MYO18A: variants seen among roughly 807,000 people sequenced by gnomAD.
The protein encoded by MYO18A is myosin XVIIIA, also known as unconventional myosin-XVIIIa.
Under a neutral mutation model 235.8 loss-of-function variants are expected in MYO18A, and 78 were observed. The observed-to-expected ratio is 0.33, with a 90% CI of 0.28 to 0.40. The LOEUF is 0.40. MYO18A is among the 10% of genes least tolerant of loss of function. The pLI, the probability that MYO18A is intolerant of heterozygous loss-of-function variation, is 1.00. For synonymous variants in MYO18A, 977 were observed against 1,077.8 expected, an observed-to-expected ratio of 0.91 and a Z score of 1.83; for missense variants, 2,215 against 2,699.3, an observed-to-expected ratio of 0.82 and a Z score of 3.98.
rs754433031 is a variant in MYO18A at position 29,099,685 on chromosome 17, G to A, written c.3585C>T (p.Phe1195=). 1.2e-6 allele frequency: 2 copies of A among 1,613,804 alleles called. No individual in the cohort carries two copies. Residue 1195 remains phenylalanine (F), a synonymous_variant, in exon 22 of 42, where the codon TTC becomes TTT. Coordinates refer to ENST00000527372, the MANE Select transcript of MYO18A (RefSeq NM_078471.4). ...CCAGGTAGCCCCTGCAGGCTGCTTG[G>A]AACAGGGTTAGGTTCCTGCTGGTTT... ...DEQTSRNLTL[F]QAACRGYLAR...
chr17:29,080,891 C>T (rs2066104646), intron 41 of MYO18A: 6 of 985,480 alleles, frequency 6.1e-6, no homozygotes, highest in Non-Finnish European at 6.0e-6. Flanking sequence ...AGCGAATCCG[C>T]GTCCCCGGTG....
At chr17:29,154,121 T>C (rs569031294) in intron 2 of MYO18A, among the ~76,000 whole-genome samples, 1,873 of 149,102 alleles carry the variant, frequency 0.013, 19 homozygotes, top group African/African-American at 0.026. Context: ...TGTGTGTGTG[T>C]GCGCGCGCGT....
rs1468779671 is a variant in MYO18A, at chr17:29,111,257, G to A, written c.2900+167C>T. On this transcript the variant is annotated intron_variant, in intron 17 of 41. Coordinates refer to ENST00000527372, the MANE Select transcript of MYO18A (RefSeq NM_078471.4). The surrounding 1 kb of genome is among the most constrained non-coding windows in gnomAD (Gnocchi z 5.1). ...CTGCCTCCCACCTCTACTTCAAGAG[G>A]CCCCTCAAGCTCCTCAAGGCCAAGT... Among the ~76,000 whole-genome samples the A allele has an allele frequency of 6.6e-6, 1 of 152,172 alleles. No homozygotes were observed. Among genetic ancestry groups the A allele is most frequent in the African/African-American group, 2.4e-5 (1 of 41,426 alleles).
At chr17:29,136,776 G>A (rs910071488) in intron 2 of MYO18A, among the ~76,000 whole-genome samples, 1 of 152,228 alleles carries the variant, frequency 6.6e-6, no homozygotes, top group African/African-American at 2.4e-5. Context: ...GCAGGCATCA[G>A]CTTTGGTAGC....
chr17:29,081,093 T>A, intron 41 of MYO18A: 1 of 736,648 alleles, frequency 1.4e-6, no homozygotes, highest in African/African-American at 1.9e-5. Context: ...GAGGAACAAG[T>A]ATTAAACTCA....
chr17:29,098,189 A>C lies in MYO18A; in HGVS notation c.3906T>G (p.Arg1302=). Reference sequence around the variant, plus strand: ...GCTGGGAGGCGGACTCTCCTGTGTTACGCTCATCTGTCAGCTCCGATGTCA... The same window carrying C: ...GCTGGGAGGCGGACTCTCCTGTGTTCCGCTCATCTGTCAGCTCCGATGTCA... ...SELTSELTDE[R]NTGESASQLL... is the part of the protein sequence containing the mutation. Residue 1302 remains arginine, a synonymous_variant, in exon 25 of 42, where the codon CGT becomes CGG. Coordinates refer to ENST00000527372, the MANE Select transcript of MYO18A (RefSeq NM_078471.4). 2 of 1,613,928 alleles carry C rather than the reference A, an allele frequency of 1.2e-6. No individual in the cohort carries two copies. Among genetic ancestry groups the C allele is most frequent in the Non-Finnish European group, 1.7e-6 (2 of 1,179,874 alleles).
intron 10 of MYO18A, 74 bp from the exon 11 acceptor site, chr17:29,116,529 GC>G: frequency 6.3e-7 from 1 of 1,594,544 alleles, no homozygotes; most frequent in Non-Finnish European, 8.6e-7. Context: ...AATAGAGCTC[GC>G]CGCCTCGGAG....
At chr17:29,151,956 G>A (rs1157116222) in intron 2 of MYO18A, among the ~76,000 whole-genome samples, 1 of 152,158 alleles carries the variant, frequency 6.6e-6, no homozygotes, top group Non-Finnish European at 1.5e-5. Context: ...GGGAGGACAC[G>A]GTGGAGAATG....
intron 2 of MYO18A, among the ~76,000 whole-genome samples, chr17:29,133,240 T>C (rs2067515855): frequency 6.6e-6 from 1 of 152,178 alleles, no homozygotes; most frequent in South Asian, 2.1e-4. Flanking sequence ...GCTGACTCAC[T>C]CCTCCCTCCC....
At position 29,090,608 on chromosome 17, in the gene MYO18A, C is replaced by T. The variant is rs773868207; in HGVS notation, c.5312G>A (p.Arg1771Gln). Residue 1771 changes from arginine (R) to glutamine (Q), a missense_variant, in exon 36 of 42, where the codon CGG becomes CAG. By Grantham distance (43) the Arg-to-Gln change is conservative (BLOSUM62 1). Transcript: ENST00000527372. Reference protein sequence around the residue: ...KHKAAVAQASRDLAQINDLQA... With the variant: ...KHKAAVAQASQDLAQINDLQA... Reference sequence around the variant, plus strand: ...GAGATCATTTATCTGAGCCAGGTCCCGGGAAGCCTGGGAAAGGAATGAGAG... The same window carrying T: ...GAGATCATTTATCTGAGCCAGGTCCTGGGAAGCCTGGGAAAGGAATGAGAG... The T allele has an allele frequency of 6.9e-6, 11 of 1,598,522 alleles. No homozygotes were observed. Among genetic ancestry groups the T allele is most frequent in the African/African-American group, 6.7e-5 (5 of 74,658 alleles).
At chr17:29,153,668 T>TCTCTCTCCTCCTCTCTTCCTC (rs1391536188) in intron 2 of MYO18A, among the ~76,000 whole-genome samples, 22 of 152,256 alleles carry the variant, frequency 1.4e-4, no homozygotes, top group African/African-American at 4.8e-4. Context: ...GGGCCCTCTC[T>TCTCTCTCCTCCTCTCTTCCTC]CTCTCTCCTC....
chr17:29,115,892 G>A (rs1339128428), intron 11 of MYO18A, 52 bp from the exon 12 acceptor site: 1 of 1,533,310 alleles, frequency 6.5e-7, no homozygotes, highest in East Asian at 2.5e-5. Context: ...CCTTAGGCCA[G>A]CTGATGACCT....
At chr17:29,151,076 C>T (rs886131222) in intron 2 of MYO18A, among the ~76,000 whole-genome samples, 30 of 151,978 alleles carry the variant, frequency 2.0e-4, no homozygotes, top group African/African-American at 6.5e-4. Flanking sequence ...AGTGAGACCC[C>T]GTCTCTACAA....
In MYO18A at chr17:29,086,451, C is replaced by T; in HGVS notation, c.5839G>A (p.Asp1947Asn). The T allele has an allele frequency of 6.2e-7, 1 of 1,603,166 alleles. No homozygotes were observed. Among genetic ancestry groups the T allele is most frequent in the Non-Finnish European group, 8.5e-7 (1 of 1,174,632 alleles). The stretch of plus-strand genomic sequence containing the variant: ...GCCACTTCTCACCTGTTGATGAGGT[C>T]CTCATTCTCATCACTCTCCATCTCA... ...EDEMESDENE[D>N]LINSLQDMVT... The change falls in exon 39 of 42, where the codon GAC becomes AAC. Residue 1947 changes from aspartate (D) to asparagine (N), a missense_variant. Transcript: ENST00000527372.
In MYO18A at chr17:29,071,648, TC is replaced by T. The variant is rs1469717197; in HGVS notation, c.*3121del. On this transcript the variant is annotated 3_prime_UTR_variant, in exon 42 of 42. Coordinates refer to ENST00000527372, the MANE Select transcript of MYO18A (RefSeq NM_078471.4). Reference sequence around the variant, plus strand: ...AAATAGCAGCTCCTTTTAGAGGCTTTCCCAATCCTCCCCGCCAAAGAGAGCA... The same window carrying T: ...AAATAGCAGCTCCTTTTAGAGGCTTTCCAATCCTCCCCGCCAAAGAGAGCA... The T allele has an allele frequency of 4.6e-5, 7 of 152,228 alleles. No individual in the cohort carries two copies. Among genetic ancestry groups the T allele is most frequent in the African/African-American group, 1.7e-4 (7 of 41,460 alleles). The allele number at this position is 152,228 out of a possible 1,614,324, so 9.4% of individuals were successfully genotyped here.
chr17:29,121,676 C>G lies in MYO18A; in HGVS notation c.1242G>C (p.Val414=). Residue 414 remains valine, a synonymous_variant, in exon 5 of 42, where the codon GTG becomes GTC. Transcript: ENST00000527372. This position sits in a 1 kb window ranked among gnomAD's most constrained non-coding sequence, Gnocchi z 4.2. ...CDRLEDLASL[V]YLNESSVLHT... is the part of the protein sequence containing the mutation. ...GCAGGACGCTGGACTCATTGAGGTA[C>G]ACCAGTGAGGCCAGATCCTCCAGAC... is the stretch of plus-strand genomic sequence containing the variant. 6.4e-7 allele frequency: 1 copy of G among 1,564,792 alleles called. No homozygotes were observed. The highest frequency in any genetic ancestry group is 8.7e-7 in the Non-Finnish European group (1 of 1,154,634).
At position 29,118,645 on chromosome 17, in the gene MYO18A, G is replaced by A. The variant is rs1380262444; in HGVS notation, c.1830-205C>T. Among the ~76,000 whole-genome samples, 1 of 152,238 alleles carries A rather than the reference G, an allele frequency of 6.6e-6. No individual in the cohort carries two copies. Among genetic ancestry groups the A allele is most frequent in the Non-Finnish European group, 1.5e-5 (1 of 68,038 alleles). On this transcript the variant is annotated intron_variant, in intron 8 of 41. Coordinates refer to ENST00000527372, the MANE Select transcript of MYO18A (RefSeq NM_078471.4). This position sits in a 1 kb window ranked among gnomAD's most constrained non-coding sequence, Gnocchi z 4.2. ...TAGAGTACCATTCTCCTGAGGACAA[G>A]CCACCAGACATGCCCTGGTGAGAGG...
At position 29,109,335 on chromosome 17, in the gene MYO18A, C is replaced by A. The variant is rs974271159; in HGVS notation, c.3331+523G>T. Among the ~76,000 whole-genome samples, 5 of 152,120 alleles carry A rather than the reference C, an allele frequency of 3.3e-5. No individual in the cohort carries two copies. Among genetic ancestry groups the A allele is most frequent in the Admixed American group, 6.5e-5 (1 of 15,272 alleles). ...ATGATACCAGTGTGCTATCCCGGCC[C>A]CCAGCCACCGATAACAGCTTCTAAG... On this transcript the variant is annotated intron_variant, in intron 19 of 41. Coordinates refer to ENST00000527372, the MANE Select transcript of MYO18A (RefSeq NM_078471.4). This position sits in a 1 kb window ranked among gnomAD's most constrained non-coding sequence, Gnocchi z 4.1.
Position 29,166,207 on chromosome 17 carries a change from G to C in MYO18A, c.734C>G (p.Pro245Arg), listed in dbSNP as rs2068279430. 1 of 1,612,846 alleles carries C rather than the reference G, an allele frequency of 6.2e-7. No homozygotes were observed. Among genetic ancestry groups the C allele is most frequent in the Non-Finnish European group, 8.5e-7 (1 of 1,179,882 alleles). The change falls in exon 2 of 42, where the codon CCC (proline) becomes CGC (arginine). Residue 245 changes from proline to arginine, a missense_variant. Transcript: ENST00000527372. The stretch of plus-strand genomic sequence containing the variant: ...CACACGCCGACAGGCCTGGCCCTCG[G>C]GGCCCCGATCCAGCATGGTTGTGCG... ...LRRTTMLDRGPEGQACRRVVH... is the reference protein window; with the variant it reads ...LRRTTMLDRGREGQACRRVVH...
Sources: allele counts gnomAD v4.1 joint callset (sites outside exome capture counted in the v4.1 genomes callset), GRCh38; gene constraint gnomAD v4.1.1; non-coding constraint Gnocchi (gnomAD v3.1); transcripts MANE v1.5; gene names NCBI Gene and HGNC (gene_info 2026-07-23, HGNC 2026-07-21).